The following ABI1 variants were observed in gnomAD, a reference collection of about 807,000 sequenced individuals.
ABI1 encodes Abelson interactor 1.
A neutral mutation model predicts 54.6 loss-of-function variants in ABI1; 14 were observed. The ratio of observed to expected loss-of-function variants is 0.26; its 90% confidence interval spans 0.17 to 0.40. The LOEUF is 0.40. Among genes scored for constraint, ABI1 ranks in the 10% least tolerant of loss-of-function variants. The probability of loss-of-function intolerance (pLI) is 1.00; values close to 1 mark genes in which losing one functional copy is unlikely to be tolerated. For missense variants in ABI1, 443 were observed against 598.3 expected (o/e 0.74, Z 2.71); for synonymous variants, 194 against 209.3 (o/e 0.93, Z 0.63).
At chr10:26,751,506 G>A in intron 10 of ABI1, 92 bp downstream of exon 10, 1 of 1,308,534 alleles carries the variant, frequency 7.6e-7, no homozygotes, top group Non-Finnish European at 1.0e-6. Context: ...AGTTTAAAAG[G>A]CTGAGAAACA....
At chr10:26,859,970 C>A (rs984635671) in intron 1 of ABI1, among the ~76,000 whole-genome samples, 2 of 151,328 alleles carry the variant, frequency 1.3e-5, no homozygotes, top group Non-Finnish European at 2.9e-5. Context: ...TATGGTGGGG[C>A]GGAAGTGAAA....
intron 1 of ABI1, among the ~76,000 whole-genome samples, chr10:26,833,472 C>CA (rs1256090347): frequency 1.3e-5 from 2 of 152,110 alleles, no homozygotes; most frequent in African/African-American, 4.8e-5. Flanking sequence ...GCTTACATTT[C>CA]AAAAACAGTC....
chr10:26,800,868 T>C (rs1275755683), intron 2 of ABI1, among the ~76,000 whole-genome samples: 2 of 152,058 alleles, frequency 1.3e-5, no homozygotes, highest in Admixed American at 6.5e-5. Context: ...TAGCCAGACA[T>C]GGTGGCACAC....
intron 3 of ABI1, among the ~76,000 whole-genome samples, chr10:26,773,862 C>T (rs1482345825): frequency 6.6e-6 from 1 of 152,116 alleles, no homozygotes; most frequent in African/African-American, 2.4e-5. Context: ...TGAAGCTGCC[C>T]GATTCATGAA....
chr10:26,809,446 C>T (rs548663909), intron 2 of ABI1, among the ~76,000 whole-genome samples: 24 of 152,060 alleles, frequency 1.6e-4, no homozygotes, highest in Non-Finnish European at 2.9e-4. Flanking sequence ...GCAGTCCTAG[C>T]TACTCGGGAG....
In ABI1 at chr10:26,747,981, C is replaced by CTGCTT. The variant is rs60597617; in HGVS notation, c.*588_*589insAAGCA. ...AACATTACAGATAATTCTCTTTTTG[C>CTGCTT]TTGTTTCACATGGAGACCTTGGAGA... On this transcript the variant is annotated 3_prime_UTR_variant, in exon 11 of 11. Transcript: ENST00000376140. 0.29 allele frequency: 57,859 copies of CTGCTT among 201,188 alleles called. 8,790 individuals are homozygous for CTGCTT. The highest frequency in any genetic ancestry group is 0.37 in the African/African-American group (16,035 of 43,430). The allele number at this position is 201,188 out of a possible 1,614,324, so 12.5% of individuals were successfully genotyped here.
chr10:26,751,516 A>G (rs1837627390), intron 10 of ABI1, 82 bp downstream of exon 10: 2 of 1,383,896 alleles, frequency 1.4e-6, no homozygotes, highest in East Asian at 2.4e-5. Flanking sequence ...GCTGAGAAAC[A>G]TTGGATTAGA....
chr10:26,776,997 A>T (rs1841489091), intron 3 of ABI1, 68 bp downstream of exon 3: 1 of 1,319,434 alleles, frequency 7.6e-7, no homozygotes, highest in Non-Finnish European at 1.0e-6. Flanking sequence ...TCTTTATGAC[A>T]ATATTTCCTA....
intron 2 of ABI1, among the ~76,000 whole-genome samples, chr10:26,780,712 C>T (rs889039665): frequency 3.3e-5 from 5 of 152,192 alleles, no homozygotes; most frequent in African/African-American, 7.2e-5. Context: ...AAAGACCACA[C>T]ACACCTGGGT....
At chr10:26,769,768 A>T (rs1840427057) in intron 5 of ABI1, among the ~76,000 whole-genome samples, 1 of 152,180 alleles carries the variant, frequency 6.6e-6, no homozygotes, top group Admixed American at 6.5e-5. Flanking sequence ...GCAGAAGCAT[A>T]GTTACAAGTA....
At chr10:26,767,553 G>A (rs192954769) in intron 6 of ABI1, among the ~76,000 whole-genome samples, 2 of 152,248 alleles carry the variant, frequency 1.3e-5, no homozygotes, top group African/African-American at 2.4e-5. Flanking sequence ...AGGTCGAGGC[G>A]ATAACCAGGA....
intron 2 of ABI1, among the ~76,000 whole-genome samples, chr10:26,797,933 T>A (rs1274347655): frequency 1.3e-5 from 2 of 152,182 alleles, no homozygotes; most frequent in South Asian, 4.1e-4. Flanking sequence ...ATATAAGCAA[T>A]GCCAACTAGA....
intron 2 of ABI1, among the ~76,000 whole-genome samples, chr10:26,783,387 G>T (rs1842373627): frequency 6.6e-6 from 1 of 152,186 alleles, no homozygotes; most frequent in African/African-American, 2.4e-5. Context: ...GCTCAACATT[G>T]TAACTATACT....
intron 2 of ABI1, among the ~76,000 whole-genome samples, chr10:26,807,585 C>A (rs2046956478): frequency 6.6e-6 from 1 of 152,206 alleles, no homozygotes; most frequent in Non-Finnish European, 1.5e-5. Context: ...TTATCCTTGG[C>A]TGAGTTGCAT....
intron 1 of ABI1, among the ~76,000 whole-genome samples, chr10:26,845,646 AAATAAT>A (rs1222174466): frequency 6.6e-6 from 1 of 152,176 alleles, no homozygotes; most frequent in East Asian, 1.9e-4. Context: ...TCTGTCTCAA[AAATAAT>A]AATAATAATA....
chr10:26,845,734 G>A (rs987639719), intron 1 of ABI1, among the ~76,000 whole-genome samples: 1 of 152,106 alleles, frequency 6.6e-6, no homozygotes, highest in Non-Finnish European at 1.5e-5. Flanking sequence ...ACTATTTGTT[G>A]AATGAATCTT....
intron 2 of ABI1, among the ~76,000 whole-genome samples, chr10:26,807,386 G>A (rs949973350): frequency 6.6e-6 from 1 of 151,898 alleles, no homozygotes; most frequent in Non-Finnish European, 1.5e-5. Flanking sequence ...GAGGTGGGAG[G>A]AGGAGGCTTC....
intron 2 of ABI1, among the ~76,000 whole-genome samples, chr10:26,798,819 T>A (rs1002713168): frequency 6.6e-6 from 1 of 151,060 alleles, no homozygotes; most frequent in African/African-American, 2.4e-5. Context: ...TTATCAATGG[T>A]ATATCCCTTA....
intron 1 of ABI1, among the ~76,000 whole-genome samples, chr10:26,855,802 C>T (rs561917679): frequency 8.6e-5 from 13 of 151,864 alleles, no homozygotes; most frequent in African/African-American, 3.1e-4. Flanking sequence ...GAAACTCCGT[C>T]TCTACTAAAA....
Sources: gnomAD v4.1 joint callset for allele counts (sites outside exome capture counted in the v4.1 genomes callset) on GRCh38, gnomAD v4.1.1 for gene constraint, MANE v1.5 for transcripts, NCBI Gene and HGNC (gene_info 2026-07-23, HGNC 2026-07-21) for gene names.